CRISP1: variants seen among roughly 807,000 people sequenced by gnomAD.
The protein encoded by CRISP1 is cysteine-rich secretory protein 1.
CRISP1 carries 44 observed loss-of-function variants against 33.1 expected under a neutral mutation model. The ratio of observed to expected loss-of-function variants is 1.33; its 90% confidence interval spans 1.05 to 1.71. CRISP1 has a LOEUF of 1.71. CRISP1 is among the 40% of genes most tolerant of loss of function. CRISP1 has a pLI of 0.00. For synonymous variants in CRISP1, 103 were observed against 98.7 expected (o/e 1.04, Z -0.26); for missense variants, 390 against 301.2 (o/e 1.29, Z -2.18).
At chr6:49,852,307 G>A (rs1298969829) in intron 2 of CRISP1, among the ~76,000 whole-genome samples, 178 bp from the exon 3 acceptor site, 4 of 152,036 alleles carry the variant, frequency 2.6e-5, no homozygotes, top group African/African-American at 7.2e-5. Flanking sequence ...TAATTTTGAG[G>A]ATTTCTCAAC....
intron 7 of CRISP1, among the ~76,000 whole-genome samples, chr6:49,836,344 T>TA (rs1174315861): frequency 1.3e-5 from 2 of 149,916 alleles, no homozygotes; most frequent in East Asian, 1.9e-4. Context: ...TATTTTATTT[T>TA]TTTTTTTTTG....
rs754073757 is a variant in CRISP1 at position 49,834,992 on chromosome 6, G to A, written c.*324C>T. 9 of 183,428 alleles carry A rather than the reference G, an allele frequency of 4.9e-5. No individual in the cohort carries two copies. Among genetic ancestry groups the A allele is most frequent in the Non-Finnish European group, 1.0e-4 (9 of 90,104 alleles). 11.4% of individuals were successfully genotyped at this position (183,428 alleles called of 1,614,324 possible). The stretch of plus-strand genomic sequence containing the variant: ...TGAAAATATGGGGAAGGCGGGGGTG[G>A]GAGTTGAACCACATAAGACCTATTT... On this transcript the variant is annotated 3_prime_UTR_variant, in exon 8 of 8. Transcript: ENST00000335847.
intron 5 of CRISP1, among the ~76,000 whole-genome samples, chr6:49,842,398 AT>A (rs1170080643): frequency 3.9e-5 from 6 of 152,168 alleles, no homozygotes; most frequent in Non-Finnish European, 8.8e-5. Flanking sequence ...ATTGAACTTA[AT>A]TTATTCATTT....
upstream of CRISP1, among the ~76,000 whole-genome samples, chr6:49,868,911 T>C (rs568600602): frequency 8.5e-5 from 13 of 152,300 alleles, no homozygotes; most frequent in Non-Finnish European, 1.8e-4. Context: ...GTTTCTGAAT[T>C]TGAATTTTAA....
intron 1 of CRISP1, among the ~76,000 whole-genome samples, chr6:49,862,865 G>A (rs1201754512): frequency 1.3e-5 from 2 of 150,590 alleles, no homozygotes; most frequent in South Asian, 2.1e-4. Flanking sequence ...TTTGCTTGAG[G>A]TCTAAAATAG....
chr6:49,838,907 A>G (rs983867947), intron 6 of CRISP1, among the ~76,000 whole-genome samples: 4 of 152,180 alleles, frequency 2.6e-5, no homozygotes, highest in Admixed American at 1.3e-4. Flanking sequence ...ACCATCATTT[A>G]AAAGGGCATG....
chr6:49,847,283 A>G (rs1771208698), intron 4 of CRISP1, among the ~76,000 whole-genome samples: 1 of 152,152 alleles, frequency 6.6e-6, no homozygotes, highest in Non-Finnish European at 1.5e-5. Flanking sequence ...TGAAGGTGAT[A>G]TAGTTTGGAT....
Position 49,835,221 on chromosome 6 carries a change from T to C in CRISP1, c.*95A>G. Reference sequence around the variant, plus strand: ...CCAGCATGATTAAAATCAGTGAAATTTAGCAGAAGCTACTGAACTATAGCA... The same window carrying C: ...CCAGCATGATTAAAATCAGTGAAATCTAGCAGAAGCTACTGAACTATAGCA... On this transcript the variant is annotated 3_prime_UTR_variant, in exon 8 of 8. Transcript: ENST00000335847. 7.5e-7 allele frequency: 1 copy of C among 1,326,776 alleles called. No individual in the cohort carries two copies. Among genetic ancestry groups the C allele is most frequent in the Admixed American group, 2.1e-5 (1 of 47,272 alleles). The allele number at this position is 1,326,776 out of a possible 1,614,324, so 82.2% of individuals were successfully genotyped here. A position where few individuals can be genotyped will look rare whatever the true frequency, so the allele number is the denominator to read the frequency against.
chr6:49,863,044 A>T (rs1771696730), intron 1 of CRISP1, among the ~76,000 whole-genome samples: 1 of 152,200 alleles, frequency 6.6e-6, no homozygotes, highest in Non-Finnish European at 1.5e-5. Flanking sequence ...ATTCCCGGAC[A>T]TATGGGTCAA....
intron 1 of CRISP1, among the ~76,000 whole-genome samples, chr6:49,873,523 G>A (rs925138783): frequency 2.0e-5 from 3 of 151,954 alleles, no homozygotes; most frequent in Non-Finnish European, 4.4e-5. Context: ...TTCCTACCTA[G>A]AGAATATAAT....
intron 2 of CRISP1, among the ~76,000 whole-genome samples, chr6:49,855,422 GAT>G (rs1771467369): frequency 6.6e-6 from 1 of 151,584 alleles, no homozygotes; most frequent in Non-Finnish European, 1.5e-5. Context: ...CTCTATTTAG[GAT>G]ATGTGTCCTT....
At chr6:49,858,276 G>A (rs1320253111) in intron 1 of CRISP1, among the ~76,000 whole-genome samples, 1 of 152,044 alleles carries the variant, frequency 6.6e-6, no homozygotes, top group Admixed American at 6.6e-5. Context: ...CTAACTCTAG[G>A]ATATTAATAA....
intron 2 of CRISP1, among the ~76,000 whole-genome samples, chr6:49,853,591 C>A (rs1416821757): frequency 6.6e-6 from 1 of 152,176 alleles, no homozygotes; most frequent in Non-Finnish European, 1.5e-5. Flanking sequence ...ATCACCTGGT[C>A]AAGCATTTCC....
intron 6 of CRISP1, 78 bp downstream of exon 6, chr6:49,840,820 A>C (rs1465087083): frequency 9.0e-7 from 1 of 1,108,956 alleles, no homozygotes. Context: ...ACATTTATGC[A>C]CACAAAAAAA....
At chr6:49,857,761 A>G (rs954451288) in intron 1 of CRISP1, among the ~76,000 whole-genome samples, 2 of 152,204 alleles carry the variant, frequency 1.3e-5, no homozygotes, top group Non-Finnish European at 2.9e-5. Context: ...TAATCACAAG[A>G]GTATTTAATG....
intron 2 of CRISP1, among the ~76,000 whole-genome samples, chr6:49,856,369 C>T (rs1322409028): frequency 6.6e-6 from 1 of 152,106 alleles, no homozygotes; most frequent in Non-Finnish European, 1.5e-5. Flanking sequence ...GAAGGTCACC[C>T]TTCCTCACTG....
intron 6 of CRISP1, among the ~76,000 whole-genome samples, chr6:49,838,886 G>A (rs141338158): frequency 6.6e-6 from 1 of 152,128 alleles, no homozygotes; most frequent in African/African-American, 2.4e-5. Flanking sequence ...ATACCTATAA[G>A]GACTTGGTAA....
chr6:49,848,227 G>T lies in CRISP1; in HGVS notation c.268C>A (p.Leu90Ile). ...KYCDMTESNPLERRLPNTFCG... is the reference protein window; with the variant it reads ...KYCDMTESNPIERRLPNTFCG... ...CACTTACTTGGAAGTCTCCTCTCAA[G>T]GGGGTTGCTCTCTGTCATATCACAA... Residue 90 changes from leucine (L) to isoleucine (I), a missense_variant, in exon 4 of 8, where the codon CTT becomes ATT. Physicochemically the swap from Leu to Ile is conservative, Grantham distance 5. Transcript: ENST00000335847. 6.3e-7 allele frequency: 1 copy of T among 1,596,922 alleles called. No individual in the cohort carries two copies. The highest frequency in any genetic ancestry group is 8.5e-7 in the Non-Finnish European group (1 of 1,173,064).
At position 49,840,985 on chromosome 6, in the gene CRISP1, G is replaced by T; in HGVS notation, c.446C>A (p.Ala149Asp). The change falls in exon 6 of 8, where the codon GCC becomes GAC. Residue 149 changes from alanine (A) to aspartate (D), a missense_variant. Ala to Asp is a moderately radical substitution (Grantham distance 126). Transcript: ENST00000335847. ...TTDHYTQIVW[A>D]TSYLIGCAIA... ...GGCACAGCCAATCAGGTAAGATGTG[G>T]CCCAAACAATCTGCAATGATAAAGA... 6.2e-7 allele frequency: 1 copy of T among 1,613,430 alleles called. No homozygotes were observed. Among genetic ancestry groups the T allele is most frequent in the Non-Finnish European group, 8.5e-7 (1 of 1,179,524 alleles).
Sources: allele counts gnomAD v4.1 joint callset (sites outside exome capture counted in the v4.1 genomes callset), GRCh38; gene constraint gnomAD v4.1.1; transcripts MANE v1.5; gene names NCBI Gene and HGNC (gene_info 2026-07-23, HGNC 2026-07-21).